Variants in DYNC1LI1 observed in about 807,000 individuals in gnomAD.
DYNC1LI1 encodes the protein dynein cytoplasmic 1 light intermediate chain 1, also known as cytoplasmic dynein 1 light intermediate chain 1.
A neutral mutation model predicts 63.8 loss-of-function variants in DYNC1LI1; 19 were observed. That is an observed-to-expected ratio of 0.30 (90% confidence interval 0.21 to 0.44). The LOEUF (loss-of-function observed/expected upper bound fraction) is 0.44, where lower values mean the gene tolerates loss of function less well. Ranked by LOEUF, DYNC1LI1 falls within the 20% of genes least tolerant of loss-of-function variation. The pLI, the probability that DYNC1LI1 is intolerant of heterozygous loss-of-function variation, is 1.00. For missense variants in DYNC1LI1, 565 were observed against 630.2 expected (o/e 0.90, Z 1.11); for synonymous variants, 225 against 232.3 (o/e 0.97, Z 0.28).
intron 12 of DYNC1LI1, 108 bp downstream of exon 12, chr3:32,528,338 T>C: frequency 7.8e-7 from 1 of 1,281,796 alleles, no homozygotes; most frequent in Non-Finnish European, 1.1e-6. Context: ...CTGCCCAACT[T>C]AGCAAAGATA....
chr3:32,568,004 A>AT (rs1330291079), intron 2 of DYNC1LI1, among the ~76,000 whole-genome samples: 2 of 151,900 alleles, frequency 1.3e-5, no homozygotes, highest in East Asian at 1.9e-4. Flanking sequence ...TGCCAGGCCA[A>AT]TTTTTTTATT....
chr3:32,528,430 C>A lies in DYNC1LI1; in HGVS notation c.1462+16G>T, dbSNP rs926622883. 21 of 1,613,798 alleles carry A rather than the reference C, an allele frequency of 1.3e-5. No homozygotes were observed. In the African/African-American group the frequency reaches 2.5e-4, roughly 19 times the overall value. ...GCTGTTATTTTAAACAAGTGACTTG[C>A]TTCCCATAAGCATACCTGACTTTTT... is the stretch of plus-strand genomic sequence containing the variant. On this transcript the variant is annotated intron_variant, in intron 12 of 12. Transcript: ENST00000273130.
intron 2 of DYNC1LI1, among the ~76,000 whole-genome samples, chr3:32,551,844 C>A (rs1698046867): frequency 6.6e-6 from 1 of 152,156 alleles, no homozygotes; most frequent in South Asian, 2.1e-4. Context: ...CCCTACCCAA[C>A]ATTTGTTACC....
intron 2 of DYNC1LI1, among the ~76,000 whole-genome samples, chr3:32,558,948 T>C (rs1698152746): frequency 6.6e-6 from 1 of 152,172 alleles, no homozygotes; most frequent in Non-Finnish European, 1.5e-5. Flanking sequence ...TGTGTAAACC[T>C]GTCAAATAAT....
intron 3 of DYNC1LI1, chr3:32,545,579 A>AG (rs1184465120): frequency 2.4e-6 from 1 of 421,636 alleles, no homozygotes; most frequent in Non-Finnish European, 4.2e-6. Flanking sequence ...TCACTATCTG[A>AG]GGGAAGATGA....
chr3:32,564,771 T>C (rs1698237093), intron 2 of DYNC1LI1, among the ~76,000 whole-genome samples: 2 of 152,216 alleles, frequency 1.3e-5, no homozygotes, highest in Admixed American at 1.3e-4. Flanking sequence ...GCATAACTCA[T>C]GGAACCTTGA....
rs754214260 is a variant in DYNC1LI1 at position 32,526,693 on chromosome 3, C to T, written c.*106G>A. On this transcript the variant is annotated 3_prime_UTR_variant, in exon 13 of 13. Transcript: ENST00000273130. ...CACACACACACGACATAAATTTAGTCCATCTGAAGAAGCACTCCAGCTTTC... is the reference window on the plus strand; with the variant it reads ...CACACACACACGACATAAATTTAGTTCATCTGAAGAAGCACTCCAGCTTTC... The T allele has an allele frequency of 6.8e-5, 53 of 774,094 alleles. No homozygotes were observed. Among genetic ancestry groups the T allele is most frequent in the Non-Finnish European group, 8.2e-5 (38 of 461,218 alleles). The allele number at this position is 774,094 out of a possible 1,614,324, so 48.0% of individuals were successfully genotyped here.
intron 1 of DYNC1LI1, 32 bp from the exon 2 acceptor site, chr3:32,570,451 G>A (rs1475499860): frequency 1.9e-6 from 3 of 1,564,010 alleles, no homozygotes; most frequent in Non-Finnish European, 2.6e-6. Flanking sequence ...GGTGAGGCCG[G>A]AGGCCGGAGC....
At position 32,533,112 on chromosome 3, in the gene DYNC1LI1, A is replaced by G; in HGVS notation, c.969-15T>C. On this transcript the variant is annotated splice_polypyrimidine_tract_variant and intron_variant, in intron 7 of 12. Transcript: ENST00000273130. The stretch of plus-strand genomic sequence containing the variant: ...ACCCTGCTGGACTGGAAAGAAATAC[A>G]TATGATAAATTCTCAAGCATTTATA... 1 of 1,584,560 alleles carries G rather than the reference A, an allele frequency of 6.3e-7. No individual in the cohort carries two copies.
chr3:32,570,578 A>T, intron 1 of DYNC1LI1, 47 bp downstream of exon 1: 2 of 1,538,922 alleles, frequency 1.3e-6, no homozygotes, highest in Non-Finnish European at 1.8e-6. Flanking sequence ...GCGTCCGCGC[A>T]AGGCCGGGGG....
intron 4 of DYNC1LI1, among the ~76,000 whole-genome samples, chr3:32,544,322 C>T (rs1697923397): frequency 6.6e-6 from 1 of 152,124 alleles, no homozygotes; most frequent in Non-Finnish European, 1.5e-5. Flanking sequence ...AAGATTCAAT[C>T]TTTTCACCCT....
intron 2 of DYNC1LI1, among the ~76,000 whole-genome samples, chr3:32,559,088 A>G (rs1698155284): frequency 6.8e-6 from 1 of 147,920 alleles, no homozygotes; most frequent in African/African-American, 2.5e-5. Flanking sequence ...GACAGAGTCT[A>G]TGGTGCCCAG....
intron 5 of DYNC1LI1, among the ~76,000 whole-genome samples, chr3:32,538,922 T>A (rs192543023): frequency 1.4e-4 from 22 of 152,294 alleles, no homozygotes; most frequent in African/African-American, 4.3e-4. Context: ...GATAGTGTCT[T>A]AGATTTTATG....
chr3:32,536,700 T>C (rs1697778775), intron 6 of DYNC1LI1, among the ~76,000 whole-genome samples: 1 of 152,116 alleles, frequency 6.6e-6, no homozygotes, highest in South Asian at 2.1e-4. Flanking sequence ...CACCAATAAA[T>C]ACAGTTTTTT....
intron 6 of DYNC1LI1, 65 bp downstream of exon 6, chr3:32,536,946 T>A (rs931385059): frequency 2.2e-6 from 2 of 901,160 alleles, no homozygotes; most frequent in African/African-American, 3.5e-5. Flanking sequence ...TTAATTCTTT[T>A]AACTTTAAAA....
chr3:32,558,403 T>TAAAAAAAAAAAA (rs533076265), intron 2 of DYNC1LI1, among the ~76,000 whole-genome samples: 214 of 89,824 alleles, frequency 2.4e-3, no homozygotes, highest in Non-Finnish European at 3.2e-3. Context: ...TTTAAAAATG[T>TAAAAAAAAAAAA]AAAAAAAAAA....
At position 32,534,640 on chromosome 3, in the gene DYNC1LI1, G is replaced by A. The variant is rs1165925236; in HGVS notation, c.839C>T (p.Ala280Val). 1 of 1,573,024 alleles carries A rather than the reference G, an allele frequency of 6.4e-7. No homozygotes were observed. Among genetic ancestry groups the A allele is most frequent in the African/African-American group, 1.4e-5 (1 of 72,640 alleles). ...HIRKFCLQYG[A>V]ALIYTSVKEN... ...TTTTACTGAAGTGTAAATAAGTGCT[G>A]CACCATCTGAATAATATGGTTAAAG... Residue 280 changes from alanine (A) to valine (V), a missense_variant, in exon 7 of 13, where the codon GCA becomes GTA. By Grantham distance (64) the Ala-to-Val change is moderately conservative. Transcript: ENST00000273130.
chr3:32,546,048 C>A, intron 2 of DYNC1LI1, 83 bp from the exon 3 acceptor site: 2 of 904,842 alleles, frequency 2.2e-6, no homozygotes, highest in South Asian at 1.6e-5. Flanking sequence ...GTGAAAAACC[C>A]AACTGGAACT....
At position 32,545,099 on chromosome 3, in the gene DYNC1LI1, T is replaced by C. The variant is rs1697935232; in HGVS notation, c.345A>G (p.Thr115=). ...CATCTAAGATCCAAACATTACATCT[T>C]GTTTGATCTACAACAGACAAAACAA... ...NVHDEDRDDQ[T]RCNVWILDGD... Residue 115 remains threonine, a synonymous_variant, in exon 4 of 13, where the codon ACA becomes ACG. Transcript: ENST00000273130. 1.2e-6 allele frequency: 2 copies of C among 1,607,930 alleles called. No individual in the cohort carries two copies. Among genetic ancestry groups the C allele is most frequent in the Non-Finnish European group, 1.7e-6 (2 of 1,174,572 alleles).
Sources: gnomAD v4.1 joint callset for allele counts (sites outside exome capture counted in the v4.1 genomes callset) on GRCh38, gnomAD v4.1.1 for gene constraint, MANE v1.5 for transcripts, NCBI Gene and HGNC (gene_info 2026-07-23, HGNC 2026-07-21) for gene names.